The following NCAPD3 variants were observed in gnomAD, a reference collection of about 807,000 sequenced individuals.
The protein encoded by NCAPD3 is non-SMC condensin II complex subunit D3, also known as condensin-2 complex subunit D3.
A neutral mutation model predicts 182.9 loss-of-function variants in NCAPD3; 105 were observed. The observed-to-expected ratio is 0.57, with a 90% confidence interval of 0.49 to 0.68. The LOEUF (loss-of-function observed/expected upper bound fraction) is 0.68. Ranked by LOEUF, NCAPD3 falls within the 30% of genes least tolerant of loss-of-function variation. The pLI, the probability that NCAPD3 is intolerant of heterozygous loss-of-function variation, is 0.00. For missense variants in NCAPD3, 1,944 were observed against 1,837.0 expected, an observed-to-expected ratio of 1.06 and a Z score of -1.07; for synonymous variants, 815 against 679.9, an observed-to-expected ratio of 1.20 and a Z score of -3.09.
intron 23 of NCAPD3, 88 bp from the exon 24 acceptor site, chr11:134,176,474 C>A: frequency 9.3e-7 from 1 of 1,069,996 alleles, no homozygotes; most frequent in South Asian, 1.3e-5. Flanking sequence ...ACCACGCGGT[C>A]TGTCCCCGGC....
chr11:134,205,878 A>T (rs1937601330), intron 8 of NCAPD3, among the ~76,000 whole-genome samples: 1 of 152,200 alleles, frequency 6.6e-6, no homozygotes, highest in Non-Finnish European at 1.5e-5. Flanking sequence ...TCACAAGATG[A>T]CGTCATACAC....
chr11:134,202,013 G>GTA (rs1447181368), intron 13 of NCAPD3, among the ~76,000 whole-genome samples: 1 of 152,150 alleles, frequency 6.6e-6, no homozygotes, highest in African/African-American at 2.4e-5. Flanking sequence ...GTGCACAATT[G>GTA]TATATATGAG....
At chr11:134,160,939 CTGTTTT>C (rs1281911614) in intron 28 of NCAPD3, among the ~76,000 whole-genome samples, 2 of 149,744 alleles carry the variant, frequency 1.3e-5, no homozygotes, top group Admixed American at 6.6e-5. Context: ...GATCAAAGCT[CTGTTTT>C]TGTTTTTTTT....
At chr11:134,162,988 G>A (rs575547678) in intron 27 of NCAPD3, among the ~76,000 whole-genome samples, 19 of 152,272 alleles carry the variant, frequency 1.2e-4, no homozygotes, top group African/African-American at 3.1e-4. Flanking sequence ...GGGTGAGGGC[G>A]CTGCAGACTT....
At position 134,150,942 on chromosome 11, in the gene NCAPD3, A is replaced by G. The variant is rs1459374988; in HGVS notation, c.*2002T>C. 2.6e-5 allele frequency: 4 copies of G among 152,120 alleles called. No individual in the cohort carries two copies. Among genetic ancestry groups the G allele is most frequent in the East Asian group, 1.9e-4 (1 of 5,184 alleles). 9.4% of individuals were successfully genotyped at this position (152,120 alleles called of 1,614,324 possible). On this transcript the variant is annotated 3_prime_UTR_variant, in exon 35 of 35. Transcript: ENST00000534548. ...AGCAGTTTTCTAATTTTGACTTTAA[A>G]TTTTTCATCCGCCGGAGACACTGCT...
intron 27 of NCAPD3, among the ~76,000 whole-genome samples, chr11:134,163,890 A>G (rs933171255): frequency 1.3e-5 from 2 of 149,666 alleles, no homozygotes; most frequent in African/African-American, 5.0e-5. Flanking sequence ...AAAAAAAAAA[A>G]AAGAAAAAGA....
At position 134,150,120 on chromosome 11, in the gene NCAPD3, A is replaced by G; in HGVS notation, c.*2824T>C. On this transcript the variant is annotated 3_prime_UTR_variant, in exon 35 of 35. Coordinates refer to ENST00000534548, the MANE Select transcript of NCAPD3 (RefSeq NM_015261.3). Reference sequence around the variant, plus strand: ...AGTATTTTACCCAAGGAATCCTCTCATGGAAGTTTACTGTGATGTTCCTTT... The same window carrying G: ...AGTATTTTACCCAAGGAATCCTCTCGTGGAAGTTTACTGTGATGTTCCTTT... 6.5e-6 allele frequency: 1 copy of G among 154,824 alleles called. No individual in the cohort carries two copies. The highest frequency in any genetic ancestry group is 1.4e-5 in the Non-Finnish European group (1 of 69,880). The allele number at this position is 154,824 out of a possible 1,614,324, so 9.6% of individuals were successfully genotyped here. A position where few individuals can be genotyped will look rare whatever the true frequency, so the allele number is the denominator to read the frequency against.
rs751117316 is a variant in NCAPD3 at position 134,209,125 on chromosome 11, TG to T, written c.794+19del. ...GTACACTATACTTAAATTGTAGCAC[TG>T]GAAGATTTAATGGCTCACCTGGCTT... On this transcript the variant is annotated intron_variant, in intron 6 of 34. Transcript: ENST00000534548. The T allele has an allele frequency of 1.2e-6, 2 of 1,607,950 alleles. No individual in the cohort carries two copies. The highest frequency in any genetic ancestry group is 1.7e-6 in the Non-Finnish European group (2 of 1,176,290).
At chr11:134,167,156 A>T (rs1203561068) in intron 27 of NCAPD3, among the ~76,000 whole-genome samples, 7 of 93,638 alleles carry the variant, frequency 7.5e-5, no homozygotes, top group African/African-American at 9.0e-5. Flanking sequence ...CACACTCACT[A>T]GTGAGGTGAG....
chr11:134,167,477 A>C (rs1943875445), intron 27 of NCAPD3, among the ~76,000 whole-genome samples: 1 of 134,890 alleles, frequency 7.4e-6, no homozygotes, highest in African/African-American at 2.9e-5. Context: ...CTCACTTGTG[A>C]GATGAGCTTG....
At chr11:134,162,904 G>A (rs558820639) in intron 27 of NCAPD3, among the ~76,000 whole-genome samples, 15 of 152,336 alleles carry the variant, frequency 9.8e-5, no homozygotes, top group Admixed American at 4.6e-4. Context: ...TTTAGGTATG[G>A]AGATGGGATG....
intron 15 of NCAPD3, 68 bp from the exon 16 acceptor site, chr11:134,192,977 T>G (rs890755187): frequency 1.1e-6 from 1 of 913,552 alleles, no homozygotes; most frequent in Non-Finnish European, 1.8e-6. Flanking sequence ...ATCAACATTT[T>G]GAGATGTTAA....
intron 11 of NCAPD3, 124 bp downstream of exon 11, chr11:134,203,530 T>A: frequency 7.7e-7 from 1 of 1,298,986 alleles, no homozygotes; most frequent in South Asian, 1.5e-5. Context: ...TAAAAATGGT[T>A]TTGAGAGTAA....
chr11:134,164,633 G>C (rs1374685204), intron 27 of NCAPD3, among the ~76,000 whole-genome samples: 1 of 140,696 alleles, frequency 7.1e-6, no homozygotes, highest in Admixed American at 6.9e-5. Context: ...ACATGAGCTT[G>C]AGGGAGCCGC....
chr11:134,219,788 T>A (rs901994190), intron 2 of NCAPD3, among the ~76,000 whole-genome samples: 3 of 152,172 alleles, frequency 2.0e-5, no homozygotes, highest in Admixed American at 2.0e-4. Context: ...TTCCTCAGTT[T>A]AATAATATCA....
At chr11:134,225,049 T>C (rs1023614309), upstream of NCAPD3, 187 of 1,444,870 alleles carry the variant, frequency 1.3e-4, no homozygotes, top group Admixed American at 3.5e-4. Context: ...CCTCTGGCCT[T>C]CTTTACCTAG....
intron 27 of NCAPD3, among the ~76,000 whole-genome samples, chr11:134,166,982 CACT>C (rs1278549557): frequency 8.1e-6 from 1 of 123,784 alleles, no homozygotes; most frequent in African/African-American, 3.5e-5. Flanking sequence ...GCTGCACACT[CACT>C]AGTGAGATGA....
intron 27 of NCAPD3, among the ~76,000 whole-genome samples, 197 bp downstream of exon 27, chr11:134,167,799 G>A (rs1259477116): frequency 7.5e-6 from 1 of 133,484 alleles, no homozygotes; most frequent in Non-Finnish European, 1.6e-5. Flanking sequence ...GTGCACACTC[G>A]TGAGATGAGC....
In NCAPD3 at chr11:134,150,195, C is replaced by A. The variant is rs1414366888; in HGVS notation, c.*2749G>T. ...CACAAGGGAACTCATACTGTCTACA[C>A]ATCAGACCATAGTTGCTTAGGAAAC... On this transcript the variant is annotated 3_prime_UTR_variant, in exon 35 of 35. Transcript: ENST00000534548. 6.6e-6 allele frequency: 1 copy of A among 152,520 alleles called. No individual in the cohort carries two copies. The highest frequency in any genetic ancestry group is 2.1e-4 in the South Asian group (1 of 4,848). The allele number at this position is 152,520 out of a possible 1,614,324, so 9.4% of individuals were successfully genotyped here. A position where few individuals can be genotyped will look rare whatever the true frequency, so the allele number is the denominator to read the frequency against.
Sources: allele counts gnomAD v4.1 joint callset (sites outside exome capture counted in the v4.1 genomes callset), GRCh38; gene constraint gnomAD v4.1.1; transcripts MANE v1.5; gene names NCBI Gene and HGNC (gene_info 2026-07-23, HGNC 2026-07-21).